The following CDK17 variants were observed in gnomAD, a reference collection of about 807,000 sequenced individuals.
The protein encoded by CDK17 is cyclin-dependent kinase 17.
In CDK17, 24 loss-of-function variants were observed where a neutral mutation model predicts 77.6. The observed-to-expected ratio is 0.31, with a 90% CI of 0.22 to 0.44. The LOEUF (loss-of-function observed/expected upper bound fraction) is 0.44. Ranked by LOEUF, CDK17 falls within the 20% of genes least tolerant of loss-of-function variation. The pLI, the probability that CDK17 is intolerant of heterozygous loss-of-function variation, is 1.00. For missense variants in CDK17, 429 were observed against 622.5 expected (o/e 0.69, Z 3.31); for synonymous variants, 203 against 210.4 (o/e 0.96, Z 0.30).
At chr12:96,349,003 T>C (rs1352113781) in intron 1 of CDK17, among the ~76,000 whole-genome samples, 2 of 151,998 alleles carry the variant, frequency 1.3e-5, no homozygotes, top group Non-Finnish European at 2.9e-5. Context: ...GAAAAGAAAA[T>C]TTTACAAGTC....
At position 96,367,344 on chromosome 12, in the gene CDK17, CAAAAAAAAAAAAAA is replaced by C. The variant is rs56689330; in HGVS notation, c.-29-32493_-29-32480del. Among the ~76,000 whole-genome samples, 38 of 63,512 alleles carry C rather than the reference CAAAAAAAAAAAAAA, an allele frequency of 6.0e-4. 2 individuals are homozygous for C. The highest frequency in any genetic ancestry group is 8.9e-4 in the South Asian group (1 of 1,128). 41.7% of individuals were successfully genotyped at this position (63,512 alleles called of 152,430 possible). A position where few individuals can be genotyped will look rare whatever the true frequency, so the allele number is the denominator to read the frequency against. On this transcript the variant is annotated intron_variant, in intron 1 of 16. Coordinates refer to ENST00000261211, the MANE Select transcript of CDK17 (RefSeq NM_002595.5). The stretch of plus-strand genomic sequence containing the variant: ...TGGGTGACAGAATGAGACTCCACCT[CAAAAAAAAAAAAAA>C]AAAAAAAAAAAAAGAAATCTTATAA...
intron 1 of CDK17, among the ~76,000 whole-genome samples, chr12:96,363,056 C>A (rs937205187): frequency 2.0e-5 from 3 of 152,158 alleles, no homozygotes; most frequent in African/African-American, 4.8e-5. Flanking sequence ...AAGATAATTA[C>A]AGAAATGACT....
intron 1 of CDK17, among the ~76,000 whole-genome samples, chr12:96,362,057 G>A (rs908742714): frequency 5.9e-5 from 9 of 151,942 alleles, no homozygotes; most frequent in South Asian, 4.2e-4. Flanking sequence ...AAACAAACAG[G>A]CCACATTTCA....
chr12:96,371,074 T>A (rs1047668102), intron 1 of CDK17, among the ~76,000 whole-genome samples: 1 of 152,148 alleles, frequency 6.6e-6, no homozygotes, highest in Non-Finnish European at 1.5e-5. Context: ...ATAAACTCCT[T>A]AAGGAAAGAA....
intron 1 of CDK17, among the ~76,000 whole-genome samples, chr12:96,347,900 CG>C (rs1169143014): frequency 6.6e-6 from 1 of 151,878 alleles, no homozygotes; most frequent in Non-Finnish European, 1.5e-5. Context: ...GAAGGAAAAC[CG>C]GAAAATTTGT....
intron 1 of CDK17, among the ~76,000 whole-genome samples, chr12:96,339,171 GAATT>G (rs1419708493): frequency 6.6e-6 from 1 of 152,120 alleles, no homozygotes; most frequent in African/African-American, 2.4e-5. Flanking sequence ...TGTTATTACA[GAATT>G]AATTCATATA....
At chr12:96,376,327 T>C (rs1953781787) in intron 1 of CDK17, among the ~76,000 whole-genome samples, 1 of 152,238 alleles carries the variant, frequency 6.6e-6, no homozygotes. Context: ...CAAACTATTA[T>C]ATCATGATCC....
intron 1 of CDK17, among the ~76,000 whole-genome samples, chr12:96,371,975 C>T (rs942149259): frequency 5.8e-5 from 8 of 138,518 alleles, no homozygotes; most frequent in Admixed American, 1.5e-4. Context: ...AGAGGGGGGA[C>T]GGAGAGAGAG....
intron 9 of CDK17, among the ~76,000 whole-genome samples, chr12:96,295,917 C>G (rs1952398919): frequency 2.0e-5 from 3 of 152,126 alleles, no homozygotes; most frequent in Admixed American, 2.0e-4. Context: ...ACCTCAAGTA[C>G]AGAGGATTCA....
At chr12:96,311,367 C>T (rs1052916014) in intron 4 of CDK17, among the ~76,000 whole-genome samples, 190 bp from the exon 5 acceptor site, 17 of 151,812 alleles carry the variant, frequency 1.1e-4, no homozygotes, top group East Asian at 3.9e-4. Context: ...AAGTATACAG[C>T]GAAGTGTTAC....
At chr12:96,361,696 C>T (rs11108480) in intron 1 of CDK17, among the ~76,000 whole-genome samples, 22,006 of 152,066 alleles carry the variant, frequency 0.14, 1,767 homozygotes, top group South Asian at 0.32. Context: ...CCCTTCTGTC[C>T]TCTATAATAA....
At chr12:96,384,759 G>A (rs966251751) in intron 1 of CDK17, among the ~76,000 whole-genome samples, 4 of 152,186 alleles carry the variant, frequency 2.6e-5, no homozygotes, top group Non-Finnish European at 5.9e-5. Context: ...GCTAATGCCT[G>A]TAATGCCAGC....
Position 96,289,229 on chromosome 12 carries a change from T to G in CDK17, c.1056A>C (p.Leu352=). ...TKTYSNEVVT[L]WYRPPDVLLG... Reference sequence around the variant, plus strand: ...GAAGCACATCAGGTGGCCGGTACCATAGTGTGACAACTTCATTTGAGTAGG... The same window carrying G: ...GAAGCACATCAGGTGGCCGGTACCAGAGTGTGACAACTTCATTTGAGTAGG... Residue 352 remains leucine (L), a synonymous_variant, in exon 11 of 17, where the codon CTA becomes CTC. Coordinates refer to ENST00000261211, the MANE Select transcript of CDK17 (RefSeq NM_002595.5). 1 of 1,613,998 alleles carries G rather than the reference T, an allele frequency of 6.2e-7. No homozygotes were observed. The highest frequency in any genetic ancestry group is 8.5e-7 in the Non-Finnish European group (1 of 1,179,882).
intron 1 of CDK17, among the ~76,000 whole-genome samples, chr12:96,335,582 T>C (rs1184959091): frequency 6.6e-6 from 1 of 152,202 alleles, no homozygotes; most frequent in Admixed American, 6.5e-5. Context: ...CTCAAAGAAG[T>C]TCCCTGACTC....
At chr12:96,287,337 A>G (rs765323849) in intron 11 of CDK17, among the ~76,000 whole-genome samples, 9 of 152,322 alleles carry the variant, frequency 5.9e-5, no homozygotes, top group Non-Finnish European at 1.2e-4. Flanking sequence ...GGTGGTTCTT[A>G]GAACAGTCAT....
chr12:96,394,357 A>G (rs1954130319), intron 1 of CDK17, among the ~76,000 whole-genome samples: 1 of 152,236 alleles, frequency 6.6e-6, no homozygotes, highest in Non-Finnish European at 1.5e-5. Flanking sequence ...GTAGATTAAT[A>G]TGACTTGAGA....
chr12:96,385,365 T>G (rs1953955482), intron 1 of CDK17, among the ~76,000 whole-genome samples: 1 of 151,836 alleles, frequency 6.6e-6, no homozygotes, highest in Non-Finnish European at 1.5e-5. Flanking sequence ...CTAGAAGGGG[T>G]TGGCAAATGG....
At chr12:96,280,748 A>C in intron 16 of CDK17, 60 bp downstream of exon 16, 1 of 1,596,858 alleles carries the variant, frequency 6.3e-7, no homozygotes, top group Non-Finnish European at 8.5e-7. Flanking sequence ...TATAAACCAA[A>C]AGCTTGGTTC....
At chr12:96,351,882 C>T (rs548266479) in intron 1 of CDK17, among the ~76,000 whole-genome samples, 26 of 152,192 alleles carry the variant, frequency 1.7e-4, no homozygotes, top group African/African-American at 5.3e-4. Context: ...ATGATATAGA[C>T]GCTCACAAAA....
Sources: gnomAD v4.1 joint callset for allele counts (sites outside exome capture counted in the v4.1 genomes callset) on GRCh38, gnomAD v4.1.1 for gene constraint, MANE v1.5 for transcripts, NCBI Gene and HGNC (gene_info 2026-07-23, HGNC 2026-07-21) for gene names.